Variants in POMK observed in about 807,000 individuals in gnomAD.
POMK encodes the protein Sugen kinase 196.
A neutral mutation model predicts 23.0 loss-of-function variants in POMK; 19 were observed. That is an observed-to-expected ratio of 0.83 (90% confidence interval 0.58 to 1.21). The LOEUF (loss-of-function observed/expected upper bound fraction) is 1.21. POMK is among the 50% of genes most tolerant of loss of function. POMK has a pLI of 0.00. For synonymous variants in POMK, 173 were observed against 171.6 expected (o/e 1.01, Z -0.06); for missense variants, 410 against 431.3 (o/e 0.95, Z 0.44).
chr8:43,097,126 T>C (rs1811350663), intron 1 of POMK, among the ~76,000 whole-genome samples: 1 of 152,206 alleles, frequency 6.6e-6, no homozygotes, highest in South Asian at 2.1e-4. Flanking sequence ...ATTAGATAGA[T>C]AGACAGCATG....
intron 4 of POMK, among the ~76,000 whole-genome samples, chr8:43,105,734 G>A (rs941779822): frequency 9.2e-5 from 14 of 152,082 alleles, no homozygotes; most frequent in East Asian, 1.9e-4. Flanking sequence ...ATGCAGTCTC[G>A]ACTCACTACC....
At chr8:43,111,476 A>G (rs547609822) in intron 4 of POMK, among the ~76,000 whole-genome samples, 19 of 152,320 alleles carry the variant, frequency 1.2e-4, no homozygotes, top group African/African-American at 2.2e-4. Context: ...GCCTGCCCCT[A>G]TAGGCTCCAC....
intron 2 of POMK, among the ~76,000 whole-genome samples, chr8:43,098,068 G>A (rs757474883): frequency 1.1e-4 from 17 of 152,114 alleles, no homozygotes; most frequent in East Asian, 1.9e-4. Flanking sequence ...TTGTTTTTGC[G>A]TAGCCTGAGA....
At chr8:43,107,330 T>G (rs1023163065) in intron 4 of POMK, among the ~76,000 whole-genome samples, 6 of 152,242 alleles carry the variant, frequency 3.9e-5, no homozygotes, top group African/African-American at 1.4e-4. Flanking sequence ...AAAATAAACT[T>G]TAATTTTATT....
chr8:43,102,637 C>G (rs570526729), intron 3 of POMK, 37 bp downstream of exon 3: 1 of 152,556 alleles, frequency 6.6e-6, no homozygotes, highest in Non-Finnish European at 1.5e-5. Flanking sequence ...TGACCCAGTT[C>G]TGTCCCAGTG....
intron 4 of POMK, among the ~76,000 whole-genome samples, chr8:43,104,846 T>A (rs541192591): frequency 8.2e-4 from 124 of 152,090 alleles, no homozygotes; most frequent in Middle Eastern, 3.4e-3. Context: ...TGGGAGAATC[T>A]CTTGAGCCTG....
At chr8:43,101,754 G>A (rs551560397) in intron 2 of POMK, among the ~76,000 whole-genome samples, 3 of 152,150 alleles carry the variant, frequency 2.0e-5, no homozygotes, top group South Asian at 2.1e-4. Flanking sequence ...CAAAATTTCT[G>A]GTAGTCTGTG....
intron 4 of POMK, among the ~76,000 whole-genome samples, chr8:43,121,321 G>GTTCTTCCTTTAATTACAGTGC (rs1306208701): frequency 8.5e-5 from 13 of 152,200 alleles, no homozygotes; most frequent in Non-Finnish European, 1.0e-4. Context: ...AAGATCAGAG[G>GTTCTTCCTTTAATTACAGTGC]TTCTTCCTTT....
chr8:43,111,906 A>C (rs2130612355), intron 4 of POMK, among the ~76,000 whole-genome samples: 1 of 152,326 alleles, frequency 6.6e-6, no homozygotes, highest in Middle Eastern at 3.4e-3. Context: ...CCACACCAAA[A>C]ACCCATCTGT....
intron 4 of POMK, among the ~76,000 whole-genome samples, chr8:43,118,777 C>T (rs1232062420): frequency 6.6e-6 from 1 of 152,130 alleles, no homozygotes. Context: ...AGCCCTGGGG[C>T]CTGTGGCTGA....
At chr8:43,109,691 T>C (rs1456351007) in intron 4 of POMK, among the ~76,000 whole-genome samples, 1 of 152,050 alleles carries the variant, frequency 6.6e-6, no homozygotes, top group Non-Finnish European at 1.5e-5. Context: ...TATAGGCATG[T>C]GCCACCACAC....
intron 2 of POMK, among the ~76,000 whole-genome samples, chr8:43,100,787 G>T (rs1296217347): frequency 1.3e-5 from 2 of 151,822 alleles, no homozygotes; most frequent in Non-Finnish European, 2.9e-5. Flanking sequence ...TGAGGTAGGG[G>T]GTGGTGGTGG....
rs1811959416 is a variant in POMK, at chr8:43,123,128, C to G, written c.*251C>G. ...CTGGAGTGCAGTGATGTGATCTTGGCTCACTGCAGCCTCTGCCTCCCAGGT... is the reference window on the plus strand; with the variant it reads ...CTGGAGTGCAGTGATGTGATCTTGGGTCACTGCAGCCTCTGCCTCCCAGGT... On this transcript the variant is annotated 3_prime_UTR_variant, in exon 5 of 5. Transcript: ENST00000331373. The G allele has an allele frequency of 2.7e-6, 1 of 372,278 alleles. No homozygotes were observed. Among genetic ancestry groups the G allele is most frequent in the African/African-American group, 2.1e-5 (1 of 47,684 alleles). The allele number at this position is 372,278 out of a possible 1,614,324, so 23.1% of individuals were successfully genotyped here. A position where few individuals can be genotyped will look rare whatever the true frequency, so the allele number is the denominator to read the frequency against.
intron 4 of POMK, among the ~76,000 whole-genome samples, chr8:43,107,325 A>G (rs1208455707): frequency 7.2e-5 from 11 of 152,216 alleles, no homozygotes; most frequent in Admixed American, 7.2e-4. Context: ...TTGGCAAAAT[A>G]AACTTTAATT....
chr8:43,103,181 C>G (rs1421376064), intron 3 of POMK, among the ~76,000 whole-genome samples: 1 of 152,188 alleles, frequency 6.6e-6, no homozygotes, highest in Admixed American at 6.5e-5. Flanking sequence ...ACCCTCTGTC[C>G]CTGTCCCACC....
chr8:43,112,108 C>T (rs892094917), intron 4 of POMK, among the ~76,000 whole-genome samples: 1 of 152,140 alleles, frequency 6.6e-6, no homozygotes, highest in Non-Finnish European at 1.5e-5. Flanking sequence ...TTCAGATGAT[C>T]AAACTACTGC....
chr8:43,120,214 C>CT (rs936204221), intron 4 of POMK, among the ~76,000 whole-genome samples: 140 of 141,446 alleles, frequency 9.9e-4, no homozygotes, highest in Middle Eastern at 3.7e-3. Context: ...TGTAACATTG[C>CT]TTTTTTTTTT....
At chr8:43,115,280 C>T (rs1563340953) in intron 4 of POMK, among the ~76,000 whole-genome samples, 2 of 152,188 alleles carry the variant, frequency 1.3e-5, no homozygotes, top group Admixed American at 1.3e-4. Context: ...TTGTACCCCG[C>T]ATGACGTCAT....
At chr8:43,095,390 G>A (rs1811314378) in intron 1 of POMK, among the ~76,000 whole-genome samples, 1 of 152,052 alleles carries the variant, frequency 6.6e-6, no homozygotes, top group South Asian at 2.1e-4. Flanking sequence ...GTTTGTTTTT[G>A]CCGAGAGAGG....
Sources: gnomAD v4.1 joint callset for allele counts (sites outside exome capture counted in the v4.1 genomes callset) on GRCh38, gnomAD v4.1.1 for gene constraint, MANE v1.5 for transcripts, NCBI Gene and HGNC (gene_info 2026-07-23, HGNC 2026-07-21) for gene names.